The following ENTREP2 variants were observed in gnomAD, a reference collection of about 807,000 sequenced individuals.
ENTREP2 encodes endosomal transmembrane epsin interactor 2, also known as protein ENTREP2.
chr15:29,259,811 C>CATATATAT, the ENTREP2 span, among the ~76,000 whole-genome samples: 867 of 149,420 alleles, frequency 5.8e-3, 17 homozygotes, highest in African/African-American at 0.021. Flanking sequence ...ATCCCATTTA[C>CATATATAT]ATATATATAT....
At chr15:29,635,002 A>C in the ENTREP2 span, among the ~76,000 whole-genome samples, 1 of 151,764 alleles carries the variant, frequency 6.6e-6, no homozygotes, top group Non-Finnish European at 1.5e-5. Context: ...CTGCCACCAC[A>C]CCCGGCTATT....
At chr15:29,208,052 C>T in the ENTREP2 span, among the ~76,000 whole-genome samples, 5 of 152,106 alleles carry the variant, frequency 3.3e-5, no homozygotes, top group South Asian at 4.1e-4. Context: ...TTACAAATGC[C>T]GGGACTTCTG....
At chr15:29,188,419 A>G in the ENTREP2 span, among the ~76,000 whole-genome samples, 17 of 151,158 alleles carry the variant, frequency 1.1e-4, no homozygotes, top group Non-Finnish European at 2.1e-4. Flanking sequence ...CCTTGCCCCC[A>G]CCCCCTGACA....
At chr15:29,312,571 T>C in the ENTREP2 span, among the ~76,000 whole-genome samples, 1 of 152,150 alleles carries the variant, frequency 6.6e-6, no homozygotes, top group South Asian at 2.1e-4. Flanking sequence ...TCAAACTTTT[T>C]CATTATTACT....
At chr15:29,427,658 C>A in the ENTREP2 span, among the ~76,000 whole-genome samples, 17,454 of 152,126 alleles carry the variant, frequency 0.11, 1,143 homozygotes, top group East Asian at 0.3. Context: ...CTTATGAGGG[C>A]CCTTGTGACT....
chr15:29,269,429 C>G, the ENTREP2 span: 2 of 1,614,140 alleles, frequency 1.2e-6, no homozygotes, highest in Non-Finnish European at 1.7e-6. Context: ...AAGAACTGCA[C>G]CAGCTCGGAC....
chr15:29,426,035 TAA>T, the ENTREP2 span, among the ~76,000 whole-genome samples: 1 of 150,412 alleles, frequency 6.6e-6, no homozygotes, highest in African/African-American at 2.4e-5. Context: ...AATTATTACA[TAA>T]AGATAATTGA....
At chr15:29,586,756 T>A in the ENTREP2 span, among the ~76,000 whole-genome samples, 101,091 of 148,522 alleles carry the variant, frequency 0.68, 34,530 homozygotes, top group South Asian at 0.79. Flanking sequence ...CTCAAAAAAA[T>A]AAAAAAGAAG....
At chr15:29,508,687 G>A in the ENTREP2 span, among the ~76,000 whole-genome samples, 4 of 152,124 alleles carry the variant, frequency 2.6e-5, no homozygotes, top group Non-Finnish European at 1.5e-5. Context: ...AAAGGTCTTC[G>A]ATAAAATTCA....
chr15:29,386,489 C>T, the ENTREP2 span, among the ~76,000 whole-genome samples: 1 of 152,212 alleles, frequency 6.6e-6, no homozygotes, highest in East Asian at 1.9e-4. Flanking sequence ...AAGGTCCAGA[C>T]TCCTAACCCA....
the ENTREP2 span, among the ~76,000 whole-genome samples, chr15:29,392,877 G>C: frequency 1.3e-5 from 2 of 151,974 alleles, no homozygotes; most frequent in Admixed American, 6.6e-5. Context: ...CTTCATTCTG[G>C]TTACTTTCTT....
the ENTREP2 span, among the ~76,000 whole-genome samples, chr15:29,342,763 C>T: frequency 6.6e-6 from 1 of 152,100 alleles, no homozygotes; most frequent in South Asian, 2.1e-4. Flanking sequence ...TGTGATTAGG[C>T]CATTTCTGTG....
At chr15:29,421,341 G>A in the ENTREP2 span, among the ~76,000 whole-genome samples, 3 of 152,348 alleles carry the variant, frequency 2.0e-5, no homozygotes, top group South Asian at 4.1e-4. Context: ...TCTGGAGGAT[G>A]AGGAAGGGGA....
chr15:29,130,468 T>C, the ENTREP2 span, among the ~76,000 whole-genome samples: 2 of 152,234 alleles, frequency 1.3e-5, no homozygotes, highest in South Asian at 2.1e-4. Context: ...TATCTAACCC[T>C]CTCTCGGACT....
chr15:29,439,192 G>A, the ENTREP2 span, among the ~76,000 whole-genome samples: 6 of 151,884 alleles, frequency 4.0e-5, no homozygotes, highest in Non-Finnish European at 8.8e-5. Context: ...CTGATAAAAG[G>A]AGAAACACAT....
the ENTREP2 span, among the ~76,000 whole-genome samples, chr15:29,119,733 A>G: frequency 1.3e-5 from 2 of 152,054 alleles, no homozygotes; most frequent in African/African-American, 4.8e-5. Context: ...GTGGCCAACA[A>G]ACAAGAATGC....
At chr15:29,535,107 G>A in the ENTREP2 span, among the ~76,000 whole-genome samples, 9 of 151,840 alleles carry the variant, frequency 5.9e-5, no homozygotes, top group South Asian at 4.2e-4. Context: ...AAAACTAGCC[G>A]GGCATGGTGG....
chr15:29,558,441 G>A, the ENTREP2 span, among the ~76,000 whole-genome samples: 1 of 151,632 alleles, frequency 6.6e-6, no homozygotes, highest in South Asian at 2.1e-4. Context: ...GCAGCACCCA[G>A]GCTCAGTACA....
the ENTREP2 span, among the ~76,000 whole-genome samples, chr15:29,133,047 C>A: frequency 0.064 from 9,670 of 152,206 alleles, 570 homozygotes; most frequent in East Asian, 0.29. Context: ...CCATCTGCCG[C>A]CCTGCCCGGT....
Sources: allele counts gnomAD v4.1 joint callset (sites outside exome capture counted in the v4.1 genomes callset), GRCh38; gene constraint gnomAD v4.1.1; transcripts MANE v1.5; gene names NCBI Gene and HGNC (gene_info 2026-07-23, HGNC 2026-07-21).